RIT2: variants seen among roughly 807,000 people sequenced by gnomAD.
RIT2 encodes Ras like without CAAX 2.
In RIT2, 24 loss-of-function variants were observed where a neutral mutation model predicts 23.7. The ratio of observed to expected loss-of-function variants is 1.01; its 90% CI spans 0.73 to 1.43. The LOEUF (loss-of-function observed/expected upper bound fraction) is 1.43, where lower values mean the gene tolerates loss of function less well. Ranked by LOEUF, RIT2 falls within the 40% of genes most tolerant of loss-of-function variation. RIT2 has a pLI of 0.00. For synonymous variants in RIT2, 107 were observed against 91.1 expected (o/e 1.17, Z -0.99); for missense variants, 236 against 266.9 (o/e 0.88, Z 0.81).
chr18:42,892,184 A>T (rs16977092), intron 4 of RIT2, among the ~76,000 whole-genome samples: 4,019 of 152,194 alleles, frequency 0.026, 121 homozygotes, highest in African/African-American at 0.075. Context: ...TTTGCTTCTG[A>T]ACTCTGTAGC....
At chr18:42,896,436 T>C (rs1024691262) in intron 4 of RIT2, among the ~76,000 whole-genome samples, 3 of 152,178 alleles carry the variant, frequency 2.0e-5, no homozygotes, top group Non-Finnish European at 4.4e-5. Flanking sequence ...GACTAACTGA[T>C]TTTTTAGAGA....
At chr18:42,948,922 C>T in intron 3 of RIT2, 1 of 396,902 alleles carries the variant, frequency 2.5e-6, no homozygotes, top group Non-Finnish European at 4.4e-6. Context: ...TCCTGCCCAC[C>T]TAGGAGCTTA....
At chr18:43,057,753 T>C (rs1031103618) in intron 1 of RIT2, among the ~76,000 whole-genome samples, 2 of 151,146 alleles carry the variant, frequency 1.3e-5, no homozygotes, top group Admixed American at 6.6e-5. Flanking sequence ...CAGCAGATAT[T>C]AATATTTTCT....
intron 1 of RIT2, among the ~76,000 whole-genome samples, chr18:43,107,681 C>G (rs75943305): frequency 0.017 from 2,618 of 152,116 alleles, 37 homozygotes; most frequent in Middle Eastern, 0.051. Context: ...GGTTGAGGCC[C>G]CCAGGGGTCT....
At chr18:42,807,670 C>T (rs944625862) in intron 4 of RIT2, among the ~76,000 whole-genome samples, 3 of 151,964 alleles carry the variant, frequency 2.0e-5, no homozygotes, top group South Asian at 2.1e-4. Context: ...ACTGTTTATC[C>T]TGAGTGAGAA....
chr18:43,004,163 A>G (rs1911173975), intron 2 of RIT2, among the ~76,000 whole-genome samples: 1 of 151,778 alleles, frequency 6.6e-6, no homozygotes, highest in Non-Finnish European at 1.5e-5. Flanking sequence ...CTTTCATTTC[A>G]TATTACTGTA....
chr18:43,076,453 C>A (rs560565896), intron 1 of RIT2, among the ~76,000 whole-genome samples: 22 of 152,116 alleles, frequency 1.4e-4, no homozygotes, highest in African/African-American at 5.1e-4. Flanking sequence ...AAACAAAAAT[C>A]ATCCTGCCTT....
chr18:42,759,715 ACACACACACAC>A (rs1913253188), intron 4 of RIT2, among the ~76,000 whole-genome samples: 2 of 2,590 alleles, frequency 7.7e-4, no homozygotes, highest in Non-Finnish European at 5.6e-3. Context: ...TTAAATCTAC[ACACACACACAC>A]ACACACACAC....
intron 4 of RIT2, among the ~76,000 whole-genome samples, chr18:42,905,181 G>A (rs1030866961): frequency 6.6e-6 from 1 of 152,118 alleles, no homozygotes; most frequent in Non-Finnish European, 1.5e-5. Context: ...GAACTAGGGG[G>A]AAAGTTTAAT....
intron 3 of RIT2, among the ~76,000 whole-genome samples, chr18:42,932,338 T>C (rs1311737558): frequency 3.9e-5 from 6 of 152,090 alleles, no homozygotes; most frequent in Non-Finnish European, 2.9e-5. Flanking sequence ...TGGGGGGAAA[T>C]CCATCCATTT....
chr18:42,796,597 T>C (rs1905369511), intron 4 of RIT2, among the ~76,000 whole-genome samples: 1 of 152,220 alleles, frequency 6.6e-6, no homozygotes, highest in Non-Finnish European at 1.5e-5. Flanking sequence ...TTAGCCCTGA[T>C]ATTTTCTGTT....
At chr18:42,884,540 A>T (rs1907972737) in intron 4 of RIT2, among the ~76,000 whole-genome samples, 1 of 152,184 alleles carries the variant, frequency 6.6e-6, no homozygotes, top group Non-Finnish European at 1.5e-5. Flanking sequence ...GATGCCAGAT[A>T]ATTCAATCAC....
chr18:42,904,027 A>G (rs2144110080), intron 4 of RIT2, among the ~76,000 whole-genome samples: 1 of 152,228 alleles, frequency 6.6e-6, no homozygotes, highest in South Asian at 2.1e-4. Context: ...ATAAATTGTA[A>G]TGCTATATTT....
chr18:42,938,465 C>T (rs1909516155), intron 3 of RIT2, among the ~76,000 whole-genome samples: 1 of 152,080 alleles, frequency 6.6e-6, no homozygotes, highest in Non-Finnish European at 1.5e-5. Flanking sequence ...TACATACTGC[C>T]AAAATTTGGT....
chr18:43,041,509 A>AT (rs1306833538), intron 1 of RIT2, among the ~76,000 whole-genome samples: 1 of 152,150 alleles, frequency 6.6e-6, no homozygotes, highest in Admixed American at 6.5e-5. Context: ...TCATTAACAT[A>AT]TGTTATGTAA....
chr18:43,077,429 T>A (rs954186504), intron 1 of RIT2, among the ~76,000 whole-genome samples: 6 of 152,172 alleles, frequency 3.9e-5, no homozygotes, highest in African/African-American at 1.4e-4. Context: ...TTGAACATTT[T>A]TTTTTGTGGC....
At chr18:42,743,786 C>T in intron 4 of RIT2, 66 bp from the exon 5 acceptor site, 2 of 1,251,508 alleles carry the variant, frequency 1.6e-6, no homozygotes, top group South Asian at 2.8e-5. Flanking sequence ...AAAATACGTT[C>T]TCTACTAGAG....
At chr18:42,797,351 C>A (rs1297058345) in intron 4 of RIT2, among the ~76,000 whole-genome samples, 25 of 151,896 alleles carry the variant, frequency 1.6e-4, no homozygotes, top group Admixed American at 1.6e-3. Flanking sequence ...TCACCCAAAG[C>A]ACATGAAGAA....
chr18:42,887,836 T>C (rs953744729), intron 4 of RIT2, among the ~76,000 whole-genome samples: 4 of 152,082 alleles, frequency 2.6e-5, no homozygotes, highest in Non-Finnish European at 4.4e-5. Context: ...CAAAAAGAAA[T>C]GAGCTATTAA....
Sources: gnomAD v4.1 joint callset for allele counts (sites outside exome capture counted in the v4.1 genomes callset) on GRCh38, gnomAD v4.1.1 for gene constraint, MANE v1.5 for transcripts, NCBI Gene and HGNC (gene_info 2026-07-23, HGNC 2026-07-21) for gene names.